The following CNTNAP2 variants were observed in gnomAD, a reference collection of about 807,000 sequenced individuals.
CNTNAP2 encodes the protein contactin-associated protein-like 2.
CNTNAP2 carries 98 observed loss-of-function variants against 155.2 expected under a neutral mutation model. The observed-to-expected ratio is 0.63, with a 90% CI of 0.54 to 0.75. The LOEUF is 0.75. Among genes scored for constraint, CNTNAP2 ranks in the 30% least tolerant of loss-of-function variants. The pLI, the probability that CNTNAP2 is intolerant of heterozygous loss-of-function variation, is 0.00. For synonymous variants in CNTNAP2, 651 were observed against 631.2 expected (o/e 1.03, Z -0.47); for missense variants, 1,727 against 1,688.1 (o/e 1.02, Z -0.40).
chr7:146,998,154 C>G (rs1798348286), intron 3 of CNTNAP2, among the ~76,000 whole-genome samples: 1 of 151,802 alleles, frequency 6.6e-6, no homozygotes, highest in Non-Finnish European at 1.5e-5. Flanking sequence ...TTCATATACT[C>G]TGATGTAGGC....
intron 1 of CNTNAP2, among the ~76,000 whole-genome samples, chr7:146,619,214 C>A (rs1021728817): frequency 2.6e-5 from 4 of 151,870 alleles, no homozygotes; most frequent in Admixed American, 6.6e-5. Flanking sequence ...TATTTAAATT[C>A]TTTCCCTAAT....
chr7:146,130,639 A>T (rs1424226015), intron 1 of CNTNAP2, among the ~76,000 whole-genome samples: 2 of 152,226 alleles, frequency 1.3e-5, no homozygotes, highest in African/African-American at 2.4e-5. Context: ...AATAACCTTT[A>T]TTTCAAAGTG....
intron 1 of CNTNAP2, among the ~76,000 whole-genome samples, chr7:146,672,005 G>A (rs1800317713): frequency 1.3e-5 from 2 of 151,796 alleles, no homozygotes; most frequent in African/African-American, 2.4e-5. Flanking sequence ...TAGTAGAGAC[G>A]GGGTTTCACC....
intron 8 of CNTNAP2, among the ~76,000 whole-genome samples, chr7:147,235,344 T>TGG (rs936313910): frequency 5.1e-5 from 4 of 78,296 alleles, no homozygotes; most frequent in Admixed American, 1.4e-4. Flanking sequence ...ATGGAGTTTT[T>TGG]GGTGTGTGTG....
chr7:146,121,477 T>C (rs539855398), intron 1 of CNTNAP2, among the ~76,000 whole-genome samples: 14 of 152,272 alleles, frequency 9.2e-5, no homozygotes, highest in South Asian at 6.2e-4. Flanking sequence ...ATTAAACATA[T>C]GGAGATCCAA....
At chr7:146,980,563 G>T (rs1340463387) in intron 3 of CNTNAP2, among the ~76,000 whole-genome samples, 2 of 152,166 alleles carry the variant, frequency 1.3e-5, no homozygotes, top group Non-Finnish European at 2.9e-5. Context: ...TGTACAGGAA[G>T]TGTGGTACAA....
At position 148,358,508 on chromosome 7, in the gene CNTNAP2, G is replaced by A. The variant is rs78248022; in HGVS notation, c.3476-25141G>A. Among the ~76,000 whole-genome samples the A allele has an allele frequency of 6.9e-3, 1,044 of 152,286 alleles. 3 individuals are homozygous for A. Among genetic ancestry groups the A allele is most frequent in the Middle Eastern group, 0.02 (6 of 294 alleles). ...GGATGGCTGGCCTGCCTGTTCACCC[G>A]CTGGGAGCCTGGTGAGGTCTCATCC... On this transcript the variant is annotated intron_variant, in intron 21 of 23. Coordinates refer to ENST00000361727, the MANE Select transcript of CNTNAP2 (RefSeq NM_014141.6).
chr7:146,709,747 C>A (rs1033978252), intron 1 of CNTNAP2, among the ~76,000 whole-genome samples: 1 of 152,084 alleles, frequency 6.6e-6, no homozygotes. Context: ...GAGGGCCAGA[C>A]TGGAGTTGAG....
chr7:146,833,291 G>T (rs1803550876), intron 2 of CNTNAP2, among the ~76,000 whole-genome samples: 1 of 152,030 alleles, frequency 6.6e-6, no homozygotes, highest in Admixed American at 6.6e-5. Context: ...TGACTTCGTG[G>T]CATTGGATTT....
chr7:148,216,492 T>C (rs1177534257), intron 18 of CNTNAP2, among the ~76,000 whole-genome samples: 1 of 152,160 alleles, frequency 6.6e-6, no homozygotes, highest in Non-Finnish European at 1.5e-5. Context: ...TTATAAAGGC[T>C]TTCCTGTATG....
At chr7:147,742,461 T>C (rs1796971007) in intron 13 of CNTNAP2, among the ~76,000 whole-genome samples, 1 of 152,234 alleles carries the variant, frequency 6.6e-6, no homozygotes, top group Non-Finnish European at 1.5e-5. Context: ...TTGGAATCTG[T>C]TATCAGTGTT....
chr7:146,513,153 C>T (rs1052771317), intron 1 of CNTNAP2, among the ~76,000 whole-genome samples: 2 of 151,728 alleles, frequency 1.3e-5, no homozygotes, highest in Non-Finnish European at 3.0e-5. Flanking sequence ...AAACTTTTGC[C>T]ATTTATTCAC....
In CNTNAP2 at chr7:147,333,109, A is replaced by G. The variant is rs76249055; in HGVS notation, c.1498+32819A>G. On this transcript the variant is annotated intron_variant, in intron 9 of 23. Transcript: ENST00000361727. ...GGCCATAGTGCTCCCCAGAACACAC[A>G]TTGGGAAACTGATCTAGGAAGTGAA... is the stretch of plus-strand genomic sequence containing the variant. Among the ~76,000 whole-genome samples the G allele has an allele frequency of 8.6e-3, 1,310 of 152,254 alleles. 22 individuals carry two copies. Among genetic ancestry groups the G allele is most frequent in the African/African-American group, 0.03 (1,239 of 41,546 alleles).
At chr7:146,160,629 A>G (rs1798204714) in intron 1 of CNTNAP2, among the ~76,000 whole-genome samples, 1 of 152,224 alleles carries the variant, frequency 6.6e-6, no homozygotes, top group African/African-American at 2.4e-5. Flanking sequence ...CTGGACACAT[A>G]TACCCTCCCA....
intron 1 of CNTNAP2, among the ~76,000 whole-genome samples, chr7:146,355,924 TA>T (rs1384160656): frequency 6.6e-6 from 1 of 152,114 alleles, no homozygotes; most frequent in Non-Finnish European, 1.5e-5. Flanking sequence ...ACTGTAGTGA[TA>T]AGGGGTATGC....
At chr7:148,398,946 C>A (rs1053220002) in intron 22 of CNTNAP2, among the ~76,000 whole-genome samples, 6 of 152,228 alleles carry the variant, frequency 3.9e-5, no homozygotes, top group Non-Finnish European at 7.3e-5. Context: ...TTTTAACTAT[C>A]ATAATTTTCT....
At chr7:147,756,938 T>C (rs1471927454) in intron 13 of CNTNAP2, among the ~76,000 whole-genome samples, 2 of 152,238 alleles carry the variant, frequency 1.3e-5, no homozygotes, top group East Asian at 3.8e-4. Flanking sequence ...TCAGTCTGTC[T>C]GTTAGACTTG....
chr7:147,278,936 A>G (rs948991573), intron 8 of CNTNAP2, among the ~76,000 whole-genome samples: 8 of 151,450 alleles, frequency 5.3e-5, no homozygotes, highest in African/African-American at 1.4e-4. Context: ...TTTTAAATGT[A>G]AAATTGAATG....
intron 13 of CNTNAP2, among the ~76,000 whole-genome samples, chr7:147,768,647 T>C (rs894953608): frequency 2.6e-5 from 4 of 152,108 alleles, no homozygotes; most frequent in Non-Finnish European, 4.4e-5. Context: ...AAATAAGCAA[T>C]TGATGACTGA....
Sources: gnomAD v4.1 joint callset for allele counts (sites outside exome capture counted in the v4.1 genomes callset) on GRCh38, gnomAD v4.1.1 for gene constraint, MANE v1.5 for transcripts, NCBI Gene and HGNC (gene_info 2026-07-23, HGNC 2026-07-21) for gene names.